SYT17: variants seen among roughly 807,000 people sequenced by gnomAD.
The protein encoded by SYT17 is synaptotagmin 17, also known as synaptotagmin-17.
In SYT17, 22 loss-of-function variants were observed where a neutral mutation model predicts 46.7. The ratio of observed to expected loss-of-function variants is 0.47; its 90% CI spans 0.34 to 0.67. The LOEUF (loss-of-function observed/expected upper bound fraction) is 0.67. Ranked by LOEUF, SYT17 falls within the 30% of genes least tolerant of loss-of-function variation. SYT17 has a pLI of 0.01. For synonymous variants in SYT17, 251 were observed against 248.4 expected, an observed-to-expected ratio of 1.01 and a Z score of -0.10; for missense variants, 519 against 612.8, an observed-to-expected ratio of 0.85 and a Z score of 1.62.
At chr16:19,234,225 C>A (rs1966805916) in intron 7 of SYT17, among the ~76,000 whole-genome samples, 1 of 152,076 alleles carries the variant, frequency 6.6e-6, no homozygotes, top group South Asian at 2.1e-4. Flanking sequence ...ACTCAGGAGG[C>A]TGAGTTGGGA....
At chr16:19,254,079 T>A (rs1968385328) in intron 7 of SYT17, among the ~76,000 whole-genome samples, 1 of 152,138 alleles carries the variant, frequency 6.6e-6, no homozygotes, top group African/African-American at 2.4e-5. Context: ...ACTTACGTAA[T>A]GGAGAACATA....
chr16:19,221,673 G>T (rs531436554), intron 5 of SYT17, among the ~76,000 whole-genome samples: 1 of 152,112 alleles, frequency 6.6e-6, no homozygotes, highest in Non-Finnish European at 1.5e-5. Context: ...TTCTAGAGCC[G>T]CTGGGTATTG....
At chr16:19,195,426 G>A (rs1965198219) in intron 5 of SYT17, among the ~76,000 whole-genome samples, 1 of 150,888 alleles carries the variant, frequency 6.6e-6, no homozygotes, top group African/African-American at 2.4e-5. Context: ...TAAGAGATTG[G>A]GGAGTGGGGG....
intron 5 of SYT17, among the ~76,000 whole-genome samples, chr16:19,206,866 AAT>A (rs1965691576): frequency 1.3e-5 from 2 of 152,096 alleles, no homozygotes; most frequent in African/African-American, 4.8e-5. Flanking sequence ...CCTATTTCCA[AAT>A]AAGGACTGTG....
intron 5 of SYT17, among the ~76,000 whole-genome samples, chr16:19,222,767 G>A (rs9652587): frequency 0.8 from 121,339 of 152,210 alleles, 48,633 homozygotes; most frequent in East Asian, 0.88. Flanking sequence ...AGCGCTTAGC[G>A]TAGTACATGG....
In SYT17 at chr16:19,224,759, A is replaced by T; in HGVS notation, c.1149A>T (p.Thr383=). 1.2e-6 allele frequency: 2 copies of T among 1,614,148 alleles called. No homozygotes were observed. The highest frequency in any genetic ancestry group is 1.7e-6 in the Non-Finnish European group (2 of 1,180,000). Residue 383 remains threonine, a synonymous_variant, in exon 7 of 8, where the codon ACA becomes ACT. Transcript: ENST00000355377. ...KTKKTSFLRG[T]IDPFYNESFS... ...AGAAGACGTCCTTCTTAAGGGGCAC[A>T]ATTGATCCTTTCTACAATGAATCCT...
At chr16:19,231,143 C>T (rs528595613) in intron 7 of SYT17, among the ~76,000 whole-genome samples, 82 of 152,286 alleles carry the variant, frequency 5.4e-4, no homozygotes, top group African/African-American at 1.9e-3. Flanking sequence ...GGCCATCTGT[C>T]TTCTTGGAGG....
chr16:19,205,793 C>T (rs564863861), intron 5 of SYT17, among the ~76,000 whole-genome samples: 3 of 152,318 alleles, frequency 2.0e-5, no homozygotes, highest in Admixed American at 2.0e-4. Flanking sequence ...CTTGACTTTC[C>T]TTTTAAAGAG....
intron 3 of SYT17, among the ~76,000 whole-genome samples, chr16:19,179,239 C>T (rs779804310): frequency 3.3e-5 from 5 of 151,942 alleles, no homozygotes; most frequent in East Asian, 1.9e-4. Context: ...GCAGTCCTCC[C>T]GCCTTAGCCT....
At chr16:19,237,514 C>G (rs551267100) in intron 7 of SYT17, among the ~76,000 whole-genome samples, 71 of 152,308 alleles carry the variant, frequency 4.7e-4, no homozygotes, top group Non-Finnish European at 7.3e-4. Context: ...TCCCTTTCCA[C>G]GGCAATGACC....
intron 2 of SYT17, chr16:19,173,045 T>A: frequency 1.7e-6 from 1 of 577,802 alleles, no homozygotes; most frequent in Non-Finnish European, 3.0e-6. Flanking sequence ...TTTAAAAATA[T>A]TTTTTCCCCT....
chr16:19,235,466 A>G (rs2142928214), intron 7 of SYT17, among the ~76,000 whole-genome samples: 1 of 152,342 alleles, frequency 6.6e-6, no homozygotes, highest in Non-Finnish European at 1.5e-5. Context: ...AAAAGTCAAC[A>G]TATTCAATAG....
rs1472652972 is a variant in SYT17, at chr16:19,267,073, C to T, written c.1422C>T (p.Thr474=). 1 of 1,586,926 alleles carries T rather than the reference C, an allele frequency of 6.3e-7. No homozygotes were observed. Among genetic ancestry groups the T allele is most frequent in the Non-Finnish European group, 8.6e-7 (1 of 1,167,972 alleles). Residue 474 remains threonine, a synonymous_variant, in exon 8 of 8, where the codon ACC becomes ACT. Coordinates refer to ENST00000355377, the MANE Select transcript of SYT17 (RefSeq NM_016524.4). ...TGTCTCCTGCCTCCCTGGAGGTGAC[C>T]TGAGGGCTGCAGGGAAGGCAGCTTT... is the stretch of plus-strand genomic sequence containing the variant. ...DRVSPASLEV[T] is the part of the protein sequence containing the mutation.
At chr16:19,198,068 A>G (rs1965322031) in intron 5 of SYT17, among the ~76,000 whole-genome samples, 1 of 152,104 alleles carries the variant, frequency 6.6e-6, no homozygotes, top group South Asian at 2.1e-4. Context: ...CTTGTCTGTA[A>G]ATGGGGATTG....
intron 5 of SYT17, among the ~76,000 whole-genome samples, chr16:19,206,836 T>G (rs912149249): frequency 4.6e-5 from 7 of 152,176 alleles, no homozygotes; most frequent in Non-Finnish European, 7.3e-5. Flanking sequence ...TCATCTTGAC[T>G]CAATTACATC....
At chr16:19,187,347 A>G (rs1286592873) in intron 5 of SYT17, among the ~76,000 whole-genome samples, 1 of 152,086 alleles carries the variant, frequency 6.6e-6, no homozygotes, top group African/African-American at 2.4e-5. Context: ...CCCTGCCAAG[A>G]CTCGTTTCAT....
intron 5 of SYT17, among the ~76,000 whole-genome samples, chr16:19,186,559 G>A (rs1361120026): frequency 2.0e-5 from 3 of 152,204 alleles, no homozygotes; most frequent in African/African-American, 4.8e-5. Context: ...TTGCTCATCT[G>A]ATTTATACTC....
At chr16:19,250,008 A>G (rs1967926086) in intron 7 of SYT17, 1 of 1,535,974 alleles carries the variant, frequency 6.5e-7, no homozygotes, top group East Asian at 2.4e-5. Flanking sequence ...GTCCTTGGAT[A>G]CCCTCACCTG....
At chr16:19,200,887 A>G (rs1168891604) in intron 5 of SYT17, among the ~76,000 whole-genome samples, 3 of 152,206 alleles carry the variant, frequency 2.0e-5, no homozygotes, top group Admixed American at 2.0e-4. Context: ...TTAGGGAATT[A>G]AACTGGGCAA....
Sources: allele counts gnomAD v4.1 joint callset (sites outside exome capture counted in the v4.1 genomes callset), GRCh38; gene constraint gnomAD v4.1.1; transcripts MANE v1.5; gene names NCBI Gene and HGNC (gene_info 2026-07-23, HGNC 2026-07-21).